The following B3GALT1 variants were observed in gnomAD, a reference collection of about 807,000 sequenced individuals.
The protein encoded by B3GALT1 is beta-1,3-galactosyltransferase 1.
A neutral mutation model predicts 23.2 loss-of-function variants in B3GALT1; 10 were observed. The observed-to-expected ratio is 0.43, with a 90% CI of 0.27 to 0.73. The LOEUF (loss-of-function observed/expected upper bound fraction) is 0.73, where lower values mean the gene tolerates loss of function less well. Among genes scored for constraint, B3GALT1 ranks in the 30% least tolerant of loss-of-function variants. B3GALT1 has a pLI of 0.21. For missense variants in B3GALT1, 299 were observed against 405.4 expected, an observed-to-expected ratio of 0.74 and a Z score of 2.25; for synonymous variants, 156 against 141.5, an observed-to-expected ratio of 1.10 and a Z score of -0.73.
intron 3 of B3GALT1, among the ~76,000 whole-genome samples, chr2:167,726,232 C>G (rs998053386): frequency 2.6e-5 from 4 of 152,168 alleles, no homozygotes; most frequent in African/African-American, 7.2e-5. Context: ...CTTTGTGAGT[C>G]TTGCTATGAC....
At position 167,590,805 on chromosome 2, in the gene B3GALT1, C is replaced by T. The variant is rs142135653; in HGVS notation, c.-409-56104C>T. Among the ~76,000 whole-genome samples, 43 of 152,234 alleles carry T rather than the reference C, an allele frequency of 2.8e-4. No homozygotes were observed. In the East Asian group the frequency reaches 6.4e-3, roughly 23 times the overall value. Reference sequence around the variant, plus strand: ...AGAAGGCTGATGCCAAAATAAAGCACCACTCACCAAGTCCAAAACAAAATT... The same window carrying T: ...AGAAGGCTGATGCCAAAATAAAGCATCACTCACCAAGTCCAAAACAAAATT... On this transcript the variant is annotated intron_variant, in intron 2 of 4. Coordinates refer to ENST00000392690, the MANE Select transcript of B3GALT1 (RefSeq NM_020981.4).
At chr2:167,312,867 T>C (rs997037380) in intron 1 of B3GALT1, among the ~76,000 whole-genome samples, 1 of 152,066 alleles carries the variant, frequency 6.6e-6, no homozygotes, top group Non-Finnish European at 1.5e-5. Flanking sequence ...AATGTCATGG[T>C]ACTGTTACAA....
intron 3 of B3GALT1, among the ~76,000 whole-genome samples, chr2:167,777,982 A>G (rs1221807331): frequency 1.3e-5 from 2 of 152,016 alleles, no homozygotes; most frequent in Non-Finnish European, 2.9e-5. Context: ...ACATCCTACA[A>G]TGCACAGGAC....
intron 3 of B3GALT1, among the ~76,000 whole-genome samples, chr2:167,734,257 T>C (rs1687457478): frequency 6.6e-6 from 1 of 152,110 alleles, no homozygotes; most frequent in Non-Finnish European, 1.5e-5. Flanking sequence ...GAAGTAAATG[T>C]ATATTGGTCT....
intron 3 of B3GALT1, among the ~76,000 whole-genome samples, chr2:167,764,002 G>A (rs1333522539): frequency 6.6e-6 from 1 of 152,174 alleles, no homozygotes; most frequent in East Asian, 1.9e-4. Flanking sequence ...ATGCTTAAAA[G>A]TATGCAATAT....
At chr2:167,713,943 T>C in intron 3 of B3GALT1, 1 of 1,566,654 alleles carries the variant, frequency 6.4e-7, no homozygotes, top group East Asian at 2.2e-5. Flanking sequence ...AACAGGCCCC[T>C]TGTATCCACT....
chr2:167,563,103 C>A (rs188782291), intron 2 of B3GALT1, among the ~76,000 whole-genome samples: 4 of 152,048 alleles, frequency 2.6e-5, no homozygotes, highest in Non-Finnish European at 5.9e-5. Context: ...CCCACCTTTC[C>A]CCCCCTTCCA....
intron 1 of B3GALT1, among the ~76,000 whole-genome samples, chr2:167,332,423 C>T (rs534000246): frequency 6.6e-6 from 1 of 152,300 alleles, no homozygotes; most frequent in Admixed American, 6.5e-5. Flanking sequence ...GGCAGTTAAA[C>T]AGTGTTAGGT....
At chr2:167,571,035 T>C (rs932851470) in intron 2 of B3GALT1, among the ~76,000 whole-genome samples, 1 of 152,090 alleles carries the variant, frequency 6.6e-6, no homozygotes, top group African/African-American at 2.4e-5. Context: ...AACTGTTAAG[T>C]TACATAATTC....
chr2:167,824,602 G>T (rs1416685132), intron 4 of B3GALT1, among the ~76,000 whole-genome samples: 1 of 152,156 alleles, frequency 6.6e-6, no homozygotes, highest in African/African-American at 2.4e-5. Flanking sequence ...CTCATGGCTT[G>T]ATCCTCTCCA....
intron 3 of B3GALT1, among the ~76,000 whole-genome samples, chr2:167,669,740 A>C (rs1271096397): frequency 6.6e-6 from 1 of 152,146 alleles, no homozygotes; most frequent in African/African-American, 2.4e-5. Flanking sequence ...TTTTTCATCT[A>C]TAGATGATAT....
At chr2:167,722,395 A>G (rs551302958) in intron 3 of B3GALT1, among the ~76,000 whole-genome samples, 11 of 152,242 alleles carry the variant, frequency 7.2e-5, no homozygotes, top group Non-Finnish European at 1.6e-4. Context: ...CCCAAGAGAA[A>G]GACTTTAGTG....
intron 1 of B3GALT1, among the ~76,000 whole-genome samples, chr2:167,360,772 T>C (rs1031614818): frequency 8.5e-5 from 13 of 152,204 alleles, no homozygotes; most frequent in Non-Finnish European, 1.6e-4. Context: ...TTATTAACTA[T>C]AATTTCCTTA....
At chr2:167,809,331 C>T (rs1312048606) in intron 3 of B3GALT1, among the ~76,000 whole-genome samples, 2 of 152,218 alleles carry the variant, frequency 1.3e-5, no homozygotes, top group Admixed American at 1.3e-4. Context: ...TGGTGAGGAG[C>T]TGCATTCCTT....
chr2:167,735,467 T>A (rs1466386893), intron 3 of B3GALT1, among the ~76,000 whole-genome samples: 3 of 152,238 alleles, frequency 2.0e-5, no homozygotes, highest in Non-Finnish European at 4.4e-5. Context: ...TCCAATCTAT[T>A]TCTCCCTGTG....
chr2:167,411,789 G>A (rs1698396201), intron 1 of B3GALT1, among the ~76,000 whole-genome samples: 1 of 152,122 alleles, frequency 6.6e-6, no homozygotes. Flanking sequence ...ACTATTCACT[G>A]AAATATGGAA....
chr2:167,482,028 C>G (rs1394350743), intron 1 of B3GALT1, among the ~76,000 whole-genome samples: 2 of 152,104 alleles, frequency 1.3e-5, no homozygotes, highest in Admixed American at 6.5e-5. Flanking sequence ...AACCTAACAG[C>G]TGTTATTTTC....
intron 4 of B3GALT1, among the ~76,000 whole-genome samples, chr2:167,843,572 C>T (rs551525674): frequency 2.0e-5 from 3 of 152,304 alleles, no homozygotes; most frequent in Admixed American, 6.5e-5. Context: ...GTGTCTTTGT[C>T]ATTCCTGGAC....
intron 3 of B3GALT1, among the ~76,000 whole-genome samples, chr2:167,808,355 C>A (rs1286190770): frequency 6.6e-6 from 1 of 151,388 alleles, no homozygotes; most frequent in African/African-American, 2.4e-5. Context: ...ATGATGTTAG[C>A]TGGTTATTTT....
Sources: gnomAD v4.1 joint callset for allele counts (sites outside exome capture counted in the v4.1 genomes callset) on GRCh38, gnomAD v4.1.1 for gene constraint, MANE v1.5 for transcripts, NCBI Gene and HGNC (gene_info 2026-07-23, HGNC 2026-07-21) for gene names.